Variants in HS6ST2 observed in about 807,000 individuals in gnomAD.
HS6ST2 encodes the protein heparan sulfate 6-O-sulfotransferase 2, also known as heparan-sulfate 6-O-sulfotransferase 2.
Under a neutral mutation model 33.0 loss-of-function variants are expected in HS6ST2, and 17 were observed. The observed-to-expected ratio is 0.52, with a 90% confidence interval of 0.35 to 0.77. The LOEUF is 0.77. HS6ST2 is among the 30% of genes least tolerant of loss of function. The pLI, the probability that HS6ST2 is intolerant of heterozygous loss-of-function variation, is 0.01. For synonymous variants in HS6ST2, 248 were observed against 237.1 expected (o/e 1.05, Z -0.42); for missense variants, 519 against 551.7 (o/e 0.94, Z 0.59).
intron 2 of HS6ST2, among the ~76,000 whole-genome samples, chrX:132,881,772 T>C (rs1213206226): frequency 1.8e-5 from 2 of 111,977 alleles, no homozygotes; most frequent in East Asian, 2.8e-4. Flanking sequence ...AACATGTATG[T>C]CTTTAATCCA....
At chrX:132,816,548 A>G (rs993768924) in intron 2 of HS6ST2, among the ~76,000 whole-genome samples, 3 of 112,254 alleles carry the variant, frequency 2.7e-5, no homozygotes, top group Non-Finnish European at 5.6e-5. Context: ...CAAAGGAAAT[A>G]AAAGGAGCAT....
chrX:132,926,693 C>T (rs959301321), intron 2 of HS6ST2, among the ~76,000 whole-genome samples: 4 of 111,945 alleles, frequency 3.6e-5, no homozygotes, highest in Admixed American at 9.5e-5. Flanking sequence ...GAGGCCAAGG[C>T]GGGTGGATCA....
At chrX:132,912,056 A>C (rs2066541920) in intron 2 of HS6ST2, among the ~76,000 whole-genome samples, 1 of 112,429 alleles carries the variant, frequency 8.9e-6, no homozygotes, top group Non-Finnish European at 1.9e-5. Flanking sequence ...ACTGCCGCTC[A>C]CTAGTGTAGC....
chrX:132,814,802 A>G (rs2065380761), intron 2 of HS6ST2, among the ~76,000 whole-genome samples: 1 of 112,213 alleles, frequency 8.9e-6, no homozygotes, highest in Non-Finnish European at 1.9e-5. Flanking sequence ...CGATGAACAC[A>G]TACAACACTT....
intron 2 of HS6ST2, among the ~76,000 whole-genome samples, chrX:132,860,492 A>C (rs1262364923): frequency 8.9e-6 from 1 of 111,943 alleles, no homozygotes; most frequent in Non-Finnish European, 1.9e-5. Flanking sequence ...TTTCTTCTAC[A>C]GATTATGTTT....
At chrX:132,829,257 A>G (rs1271519292) in intron 2 of HS6ST2, among the ~76,000 whole-genome samples, 1 of 100,611 alleles carries the variant, frequency 9.9e-6, no homozygotes, top group African/African-American at 3.6e-5. Flanking sequence ...ATGTTTATGC[A>G]TAAATTAAGC....
At chrX:132,794,571 G>T (rs201335131) in intron 2 of HS6ST2, among the ~76,000 whole-genome samples, 1,267 of 98,712 alleles carry the variant, frequency 0.013, 25 homozygotes, top group African/African-American at 0.046. Context: ...TGATGATGAT[G>T]ATGATTATTA....
At chrX:132,864,458 C>A (rs1230055303) in intron 2 of HS6ST2, among the ~76,000 whole-genome samples, 1 of 106,247 alleles carries the variant, frequency 9.4e-6, no homozygotes, top group Admixed American at 1.0e-4. Flanking sequence ...GAAGGATACA[C>A]AAGTATAAAC....
chrX:132,957,530 T>C (rs1449706367), intron 1 of HS6ST2, among the ~76,000 whole-genome samples: 3 of 109,282 alleles, frequency 2.7e-5, no homozygotes, highest in African/African-American at 1.0e-4. Context: ...CTGTGGCTTC[T>C]GCGGCACACA....
intron 2 of HS6ST2, among the ~76,000 whole-genome samples, chrX:132,953,585 G>A (rs575920488): frequency 2.2e-3 from 243 of 111,679 alleles, no homozygotes; most frequent in Middle Eastern, 4.6e-3. Flanking sequence ...GGTTCCTGTC[G>A]CAGCTGAAGG....
chrX:132,811,685 A>AATATATATATGTAT (rs1491477781), intron 2 of HS6ST2, among the ~76,000 whole-genome samples: 6 of 29,808 alleles, frequency 2.0e-4, no homozygotes, highest in African/African-American at 7.7e-4. Flanking sequence ...AAGGCTGAAT[A>AATATATATATGTAT]ATATATATAT....
intron 2 of HS6ST2, among the ~76,000 whole-genome samples, chrX:132,851,841 T>C (rs754653624): frequency 8.7e-4 from 97 of 111,853 alleles, no homozygotes; most frequent in Non-Finnish European, 1.7e-3. Flanking sequence ...GGGGATGATC[T>C]TTTTCAAAAG....
intron 2 of HS6ST2, among the ~76,000 whole-genome samples, chrX:132,797,008 G>A (rs1372181696): frequency 8.9e-6 from 1 of 111,803 alleles, no homozygotes; most frequent in Admixed American, 9.6e-5. Flanking sequence ...ACTGCATTAT[G>A]TTCTTTGAGC....
chrX:132,666,862 A>G (rs1251647832), intron 4 of HS6ST2, among the ~76,000 whole-genome samples: 1 of 111,410 alleles, frequency 9.0e-6, no homozygotes, highest in African/African-American at 3.3e-5. Context: ...AGAACATGGC[A>G]TCCTCTGGGC....
chrX:132,874,846 T>A (rs772332917), intron 2 of HS6ST2, among the ~76,000 whole-genome samples: 34 of 111,354 alleles, frequency 3.1e-4, no homozygotes, highest in South Asian at 1.6e-3. Flanking sequence ...GCCAAAGACC[T>A]CCCCAGACTT....
At chrX:132,714,092 C>T (rs1327447923) in intron 2 of HS6ST2, among the ~76,000 whole-genome samples, 1 of 111,827 alleles carries the variant, frequency 8.9e-6, no homozygotes, top group East Asian at 2.8e-4. Context: ...AGCCATTGGT[C>T]ACTTATTCCC....
intron 2 of HS6ST2, among the ~76,000 whole-genome samples, chrX:132,727,497 C>G (rs1338922128): frequency 9.0e-6 from 1 of 110,807 alleles, no homozygotes. Context: ...TTATTGGAAG[C>G]CCATTTCCCA....
intron 3 of HS6ST2, among the ~76,000 whole-genome samples, chrX:132,675,871 T>C (rs1173444944): frequency 9.0e-6 from 1 of 110,543 alleles, no homozygotes; most frequent in Non-Finnish European, 1.9e-5. Flanking sequence ...TCTCTGCACG[T>C]GTCTCACTAA....
chrX:132,821,464 G>A (rs1196403022), intron 2 of HS6ST2, among the ~76,000 whole-genome samples: 2 of 109,318 alleles, frequency 1.8e-5, no homozygotes, highest in Admixed American at 9.8e-5. Context: ...CGCCCACCTC[G>A]GCCTCCCAAA....
Sources: gnomAD v4.1 joint callset for allele counts (sites outside exome capture counted in the v4.1 genomes callset) on GRCh38, gnomAD v4.1.1 for gene constraint, MANE v1.5 for transcripts, NCBI Gene and HGNC (gene_info 2026-07-23, HGNC 2026-07-21) for gene names.